Variants in SBNO1 observed in about 807,000 individuals in gnomAD.
SBNO1 encodes the protein protein strawberry notch homolog 1.
A neutral mutation model predicts 173.6 loss-of-function variants in SBNO1; 23 were observed. The ratio of observed to expected loss-of-function variants is 0.13; its 90% CI spans 0.10 to 0.19. SBNO1 has a LOEUF of 0.19. SBNO1 is among the 10% of genes least tolerant of loss of function. SBNO1 has a pLI of 1.00. For synonymous variants in SBNO1, 632 were observed against 571.5 expected, an observed-to-expected ratio of 1.11 and a Z score of -1.51; for missense variants, 1,238 against 1,671.2, an observed-to-expected ratio of 0.74 and a Z score of 4.52.
chr12:123,326,405 C>A, intron 13 of SBNO1, 71 bp from the exon 14 acceptor site: 1 of 985,272 alleles, frequency 1.0e-6, no homozygotes, highest in South Asian at 2.2e-5. Flanking sequence ...CCAATTAAAT[C>A]AAAACAATGT....
intron 7 of SBNO1, among the ~76,000 whole-genome samples, chr12:123,333,491 A>G (rs1265379920): frequency 6.6e-6 from 1 of 152,072 alleles, no homozygotes; most frequent in Non-Finnish European, 1.5e-5. Context: ...ATACACACAC[A>G]TATACATATA....
chr12:123,329,512 T>C (rs1870961334), intron 9 of SBNO1, among the ~76,000 whole-genome samples: 1 of 151,944 alleles, frequency 6.6e-6, no homozygotes, highest in African/African-American at 2.4e-5. Context: ...GCACTTACTA[T>C]ATGCAAAACA....
intron 6 of SBNO1, 38 bp from the exon 7 acceptor site, chr12:123,334,251 C>T (rs750403834): frequency 3.4e-6 from 4 of 1,193,726 alleles, no homozygotes; most frequent in African/African-American, 1.6e-5. Flanking sequence ...TTTAATTATT[C>T]TAAGTAATAA....
intron 2 of SBNO1, chr12:123,348,904 G>A (rs1026390196): frequency 6.6e-6 from 1 of 151,758 alleles, no homozygotes; most frequent in African/African-American, 2.4e-5. Flanking sequence ...AGGTTGCAGT[G>A]AGCCAAGATC....
intron 6 of SBNO1, 37 bp downstream of exon 6, chr12:123,336,358 C>T (rs1223422643): frequency 7.9e-7 from 1 of 1,258,362 alleles, no homozygotes; most frequent in African/African-American, 1.5e-5. Flanking sequence ...CACAGGAAAA[C>T]TTTGATGTAA....
intron 8 of SBNO1, 90 bp from the exon 9 acceptor site, chr12:123,330,599 TAAAAAAAAA>T: frequency 2.0e-6 from 1 of 505,748 alleles, no homozygotes; most frequent in Non-Finnish European, 3.3e-6. Context: ...TCTTGACACT[TAAAAAAAAA>T]AAAAAAAAGA....
In SBNO1 at chr12:123,305,480, T is replaced by A. The variant is rs571605792; in HGVS notation, c.3631-761A>T. Among the ~76,000 whole-genome samples the A allele has an allele frequency of 3.3e-5, 5 of 152,300 alleles. No individual in the cohort carries two copies. In the East Asian group the frequency reaches 9.6e-4, roughly 29 times the overall value. ...GAATTTAGGTATGTATTTTTAACTTTTTTTTTTGTTTTTGAGACAGTCTTG... is the reference window on the plus strand; with the variant it reads ...GAATTTAGGTATGTATTTTTAACTTATTTTTTTGTTTTTGAGACAGTCTTG... On this transcript the variant is annotated intron_variant, in intron 28 of 31. Coordinates refer to ENST00000602398, the MANE Select transcript of SBNO1 (RefSeq NM_001167856.3).
chr12:123,343,953 A>C (rs1236931705), intron 4 of SBNO1, among the ~76,000 whole-genome samples: 2 of 152,072 alleles, frequency 1.3e-5, no homozygotes, highest in Non-Finnish European at 2.9e-5. Flanking sequence ...CACTACCTTA[A>C]ATGTGGGAGA....
intron 31 of SBNO1, 66 bp from the exon 32 acceptor site, chr12:123,296,116 C>T: frequency 9.9e-7 from 1 of 1,009,214 alleles, no homozygotes; most frequent in East Asian, 2.4e-5. Flanking sequence ...AGCTTCACAG[C>T]AGATTCCAAA....
Position 123,348,044 on chromosome 12 carries a change from T to G in SBNO1, c.222A>C (p.Ala74=). Reference sequence around the variant, plus strand: ...TCATTCTTACCCTCACATTTAATAGTGCTGGAGTAGGTACAGTCTCTGGTT... The same window carrying G: ...TCATTCTTACCCTCACATTTAATAGGGCTGGAGTAGGTACAGTCTCTGGTT... ...KQEPETVPTP[A]LLNVRQQPPS... Residue 74 remains alanine (A), a synonymous_variant, in exon 3 of 32, where the codon GCA becomes GCC. Transcript: ENST00000602398. The G allele has an allele frequency of 6.2e-7, 1 of 1,601,126 alleles. No homozygotes were observed. The highest frequency in any genetic ancestry group is 8.6e-7 in the Non-Finnish European group (1 of 1,168,788).
rs80172030 is a variant in SBNO1 at position 123,337,900 on chromosome 12, T to C, written c.652-1409A>G. 1.2e-3 allele frequency among the ~76,000 whole-genome samples: 180 copies of C among 152,270 alleles called. 5 individuals carry two copies. The East Asian group carries it at 0.034, about 29-fold the overall frequency. On this transcript the variant is annotated intron_variant, in intron 5 of 31. Transcript: ENST00000602398. ...TTCTCCTACCTATAGTTTTTTAAAA[T>C]CATCATAAAATTGATGATAATTGAA... is the stretch of plus-strand genomic sequence containing the variant.
chr12:123,340,151 C>G (rs1029307518), intron 5 of SBNO1, among the ~76,000 whole-genome samples: 7 of 152,128 alleles, frequency 4.6e-5, no homozygotes, highest in Admixed American at 6.6e-5. Context: ...ATTTTGCTTA[C>G]TGAAGGTAGA....
chr12:123,358,519 C>T (rs918981298), intron 1 of SBNO1, among the ~76,000 whole-genome samples: 1 of 151,508 alleles, frequency 6.6e-6, no homozygotes, highest in South Asian at 2.1e-4. Context: ...TTTGGGAGGC[C>T]GAGGCAGGTG....
At chr12:123,347,433 A>T (rs1390467721) in intron 3 of SBNO1, among the ~76,000 whole-genome samples, 2 of 151,742 alleles carry the variant, frequency 1.3e-5, no homozygotes, top group African/African-American at 4.8e-5. Flanking sequence ...TCACCATGTT[A>T]ACCAGGATGG....
At chr12:123,336,191 A>C (rs898446038) in intron 6 of SBNO1, among the ~76,000 whole-genome samples, 1 of 152,184 alleles carries the variant, frequency 6.6e-6, no homozygotes, top group African/African-American at 2.4e-5. Flanking sequence ...AGCTTTATAT[A>C]TCTTTACAAT....
intron 28 of SBNO1, among the ~76,000 whole-genome samples, chr12:123,308,287 A>G (rs1369983519): frequency 2.0e-5 from 3 of 152,196 alleles, no homozygotes; most frequent in Non-Finnish European, 4.4e-5. Flanking sequence ...GAAAGAATGT[A>G]GCTATTTTAC....
At chr12:123,364,669 G>A in intron 1 of SBNO1, 32 bp downstream of exon 1, 2 of 983,060 alleles carry the variant, frequency 2.0e-6, no homozygotes, top group Non-Finnish European at 2.4e-6. Flanking sequence ...GGGGGAGTGT[G>A]GAAGGAGAAA....
chr12:123,294,012 C>CTT lies in SBNO1; in HGVS notation c.*1895_*1896insAA, dbSNP rs1374580949. 6.6e-6 allele frequency: 1 copy of CTT among 152,308 alleles called. No homozygotes were observed. The highest frequency in any genetic ancestry group is 1.5e-5 in the Non-Finnish European group (1 of 68,120). 9.4% of individuals were successfully genotyped at this position (152,308 alleles called of 1,614,324 possible). A position where few individuals can be genotyped will look rare whatever the true frequency, so the allele number is the denominator to read the frequency against. On this transcript the variant is annotated 3_prime_UTR_variant, in exon 32 of 32. Transcript: ENST00000602398. ...AGTTCTGCTGAAGGTGGGGAGAGTG[C>CTT]TGCTCTTGGCTGCCAGCCGGGTCTA...
At chr12:123,309,974 C>T in intron 25 of SBNO1, 118 bp from the exon 26 acceptor site, 1 of 760,294 alleles carries the variant, frequency 1.3e-6, no homozygotes, top group Non-Finnish European at 2.2e-6. Context: ...AACTCTTACA[C>T]TGTCCTCACA....
Sources: allele counts gnomAD v4.1 joint callset (sites outside exome capture counted in the v4.1 genomes callset), GRCh38; gene constraint gnomAD v4.1.1; transcripts MANE v1.5; gene names NCBI Gene and HGNC (gene_info 2026-07-23, HGNC 2026-07-21).